MYBPC1: variants seen among roughly 807,000 people sequenced by gnomAD.
MYBPC1 encodes the protein myosin-binding protein C, slow-type.
In MYBPC1, 52 loss-of-function variants were observed where a neutral mutation model predicts 147.1. That is an observed-to-expected ratio of 0.35 (90% CI 0.28 to 0.45). The LOEUF is 0.45. Ranked by LOEUF, MYBPC1 falls within the 20% of genes least tolerant of loss-of-function variation. The pLI, the probability that MYBPC1 is intolerant of heterozygous loss-of-function variation, is 1.00. For synonymous variants in MYBPC1, 477 were observed against 475.9 expected, an observed-to-expected ratio of 1.00 and a Z score of -0.03; for missense variants, 1,228 against 1,440.3, an observed-to-expected ratio of 0.85 and a Z score of 2.39.
At chr12:101,604,881 G>C (rs1881533255) in intron 1 of MYBPC1, among the ~76,000 whole-genome samples, 1 of 152,160 alleles carries the variant, frequency 6.6e-6, no homozygotes, top group Non-Finnish European at 1.5e-5. Flanking sequence ...ATCTGGCTGA[G>C]TAGAGTTTAG....
At chr12:101,695,147 A>G in the MYBPC1 span, among the ~76,000 whole-genome samples, 1 of 152,196 alleles carries the variant, frequency 6.6e-6, no homozygotes, top group Admixed American at 6.5e-5. Context: ...ACGCCACATA[A>G]TTAAGTTCTG....
intron 18 of MYBPC1, among the ~76,000 whole-genome samples, chr12:101,657,532 A>G (rs761233039): frequency 6.6e-6 from 1 of 152,230 alleles, no homozygotes; most frequent in Non-Finnish European, 1.5e-5. Context: ...TCCCATGGAC[A>G]TTAAAAGGAT....
At chr12:101,656,915 A>T (rs1334946623) in intron 18 of MYBPC1, among the ~76,000 whole-genome samples, 1 of 152,202 alleles carries the variant, frequency 6.6e-6, no homozygotes, top group Non-Finnish European at 1.5e-5. Context: ...TCAAGCACAC[A>T]TAGCATATTC....
At chr12:101,672,916 A>G (rs1899037339) in intron 24 of MYBPC1, among the ~76,000 whole-genome samples, 1 of 152,178 alleles carries the variant, frequency 6.6e-6, no homozygotes, top group South Asian at 2.1e-4. Flanking sequence ...TCAGCACTTT[A>G]ATCTTTATAA....
chr12:101,669,753 A>G (rs1377112199), intron 23 of MYBPC1, among the ~76,000 whole-genome samples: 1 of 152,122 alleles, frequency 6.6e-6, no homozygotes, highest in Admixed American at 6.5e-5. Context: ...CCTGGCCAAC[A>G]TGGCAAAATC....
At chr12:101,656,259 A>T (rs763732656) in intron 18 of MYBPC1, among the ~76,000 whole-genome samples, 44 of 152,184 alleles carry the variant, frequency 2.9e-4, no homozygotes, top group Admixed American at 6.5e-4. Flanking sequence ...CACAAAAGGC[A>T]GAAAAAAATG....
At chr12:101,606,910 C>T (rs1020397573) in intron 1 of MYBPC1, among the ~76,000 whole-genome samples, 2 of 152,064 alleles carry the variant, frequency 1.3e-5, no homozygotes, top group African/African-American at 2.4e-5. Context: ...CTGCAACCTT[C>T]GCCTACCCAG....
chr12:101,609,987 G>A (rs564785772), intron 1 of MYBPC1, among the ~76,000 whole-genome samples: 74 of 152,152 alleles, frequency 4.9e-4, no homozygotes, highest in Non-Finnish European at 9.0e-4. Context: ...TAGAGAAGCG[G>A]GCAAAGCTAG....
chr12:101,675,305 A>G lies in MYBPC1; in HGVS notation c.2823A>G (p.Pro941=), dbSNP rs747888125. ...IDIQIIDRPG[P]PQIVKIEDVW... The stretch of plus-strand genomic sequence containing the variant: ...TTCATCCTGTAGACCGTCCAGGTCC[A>G]CCCCAAATTGTGAAGATTGAGGATG... The change falls in exon 26 of 32, where the codon CCA becomes CCG. Residue 941 remains proline (P), a synonymous_variant. Coordinates refer to ENST00000361466, the MANE Select transcript of MYBPC1 (RefSeq NM_002465.4). The G allele has an allele frequency of 1.4e-5, 23 of 1,613,948 alleles. No individual in the cohort carries two copies. The highest frequency in any genetic ancestry group is 1.8e-5 in the Non-Finnish European group (21 of 1,179,974).
chr12:101,680,498 A>C lies in MYBPC1; in HGVS notation c.3402A>C (p.Thr1134=). 1 of 1,614,176 alleles carries C rather than the reference A, an allele frequency of 6.2e-7. No homozygotes were observed. Residue 1134 remains threonine (T), a synonymous_variant, in exon 29 of 32, where the codon ACA becomes ACC. Transcript: ENST00000361466. ...GCAAAGCAGTCAATGACCTTGGGAC[A>C]GTGGAGATTGAATGCAAACTGGAGG... is the stretch of plus-strand genomic sequence containing the variant. ...YCCKAVNDLG[T]VEIECKLEVK... is the part of the protein sequence containing the mutation.
chr12:101,636,841 ATGTGTTTTG>A, intron 10 of MYBPC1, 113 bp downstream of exon 10: 1 of 875,364 alleles, frequency 1.1e-6, no homozygotes, highest in Non-Finnish European at 1.9e-6. Context: ...ATTTCTGAAA[ATGTGTTTTG>A]CTTATAGAAT....
intron 18 of MYBPC1, among the ~76,000 whole-genome samples, chr12:101,653,987 G>A (rs1895067017): frequency 6.6e-6 from 1 of 152,168 alleles, no homozygotes. Flanking sequence ...CAGAACACCT[G>A]AAGCCAGGAG....
At position 101,675,339 on chromosome 12, in the gene MYBPC1, G is replaced by A. The variant is rs1232996538; in HGVS notation, c.2857G>A (p.Glu953Lys). The change falls in exon 26 of 32, where the codon GAA becomes AAA. Residue 953 changes from glutamate to lysine, a missense_variant. Physicochemically the swap from Glu to Lys is moderately conservative, Grantham distance 56 (BLOSUM62 1). Coordinates refer to ENST00000361466, the MANE Select transcript of MYBPC1 (RefSeq NM_002465.4). ...TGTGAAGATTGAGGATGTCTGGGGA[G>A]AAAATGTCGCTCTCACATGGACTCC... ...QIVKIEDVWG[E>K]NVALTWTPPK... 1.9e-6 allele frequency: 3 copies of A among 1,614,118 alleles called. No homozygotes were observed. The highest frequency in any genetic ancestry group is 2.5e-6 in the Non-Finnish European group (3 of 1,179,994).
chr12:101,661,916 G>GAAAGAAAAAAAGA (rs1896648372), intron 20 of MYBPC1, among the ~76,000 whole-genome samples: 2 of 124,880 alleles, frequency 1.6e-5, no homozygotes, highest in Non-Finnish European at 3.2e-5. Context: ...AAAAAAAAAA[G>GAAAGAAAAAAAGA]AAAGAAAAAA....
chr12:101,631,531 C>T (rs760545416), intron 6 of MYBPC1, 40 bp from the exon 7 acceptor site: 2 of 1,610,024 alleles, frequency 1.2e-6, no homozygotes, highest in Non-Finnish European at 1.7e-6. Flanking sequence ...ACAAATGACG[C>T]TTGTTAAAGA....
chr12:101,612,851 G>C (rs1400112536), intron 1 of MYBPC1, among the ~76,000 whole-genome samples: 1 of 152,168 alleles, frequency 6.6e-6, no homozygotes, highest in African/African-American at 2.4e-5. Context: ...AAAATGCTTT[G>C]ACTGACAGTT....
intron 1 of MYBPC1, among the ~76,000 whole-genome samples, chr12:101,601,676 A>C (rs948956349): frequency 6.6e-6 from 1 of 152,226 alleles, no homozygotes; most frequent in Non-Finnish European, 1.5e-5. Context: ...GGCAGCGTCT[A>C]AAATTACATT....
At chr12:101,654,724 G>A (rs757664465) in intron 18 of MYBPC1, among the ~76,000 whole-genome samples, 2 of 152,122 alleles carry the variant, frequency 1.3e-5, no homozygotes, top group Non-Finnish European at 2.9e-5. Flanking sequence ...AAGAGAAGTG[G>A]ACTGGCACTC....
In MYBPC1 at chr12:101,653,309, C is replaced by T. The variant is rs1042187810; in HGVS notation, c.1767+61C>T. Reference sequence around the variant, plus strand: ...ACACATATGCAGACACACTGCCTACCCCACCCCTTGCCCTCCATTATTCAG... The same window carrying T: ...ACACATATGCAGACACACTGCCTACTCCACCCCTTGCCCTCCATTATTCAG... On this transcript the variant is annotated intron_variant, in intron 18 of 31. Transcript: ENST00000361466. 1.9e-5 allele frequency: 30 copies of T among 1,591,508 alleles called. No homozygotes were observed. The African/African-American group carries it at 3.6e-4, about 19-fold the overall frequency.
Sources: allele counts gnomAD v4.1 joint callset (sites outside exome capture counted in the v4.1 genomes callset), GRCh38; gene constraint gnomAD v4.1.1; transcripts MANE v1.5; gene names NCBI Gene and HGNC (gene_info 2026-07-23, HGNC 2026-07-21).